DIP2C: variants seen among roughly 807,000 people sequenced by gnomAD.
DIP2C encodes disco-interacting protein 2 homolog C.
A neutral mutation model predicts 192.4 loss-of-function variants in DIP2C; 33 were observed. That is an observed-to-expected ratio of 0.17 (90% CI 0.13 to 0.23). The LOEUF (loss-of-function observed/expected upper bound fraction) is 0.23. Ranked by LOEUF, DIP2C falls within the 10% of genes least tolerant of loss-of-function variation. DIP2C has a pLI of 1.00. For missense variants in DIP2C, 1,537 were observed against 2,110.1 expected, an observed-to-expected ratio of 0.73 and a Z score of 5.32; for synonymous variants, 979 against 864.1, an observed-to-expected ratio of 1.13 and a Z score of -2.33.
At chr10:573,657 G>A (rs912155193) in intron 1 of DIP2C, among the ~76,000 whole-genome samples, 14 of 152,050 alleles carry the variant, frequency 9.2e-5, no homozygotes, top group Admixed American at 3.3e-4. Context: ...CAATCCGCCC[G>A]CCTCGGCCTC....
At chr10:573,543 G>A (rs558705259) in intron 1 of DIP2C, among the ~76,000 whole-genome samples, 2 of 152,004 alleles carry the variant, frequency 1.3e-5, no homozygotes, top group African/African-American at 2.4e-5. Flanking sequence ...AGAGTAGCTG[G>A]GACTACAGGT....
intron 1 of DIP2C, among the ~76,000 whole-genome samples, chr10:676,565 C>T (rs146885413): frequency 4.3e-4 from 64 of 150,446 alleles, no homozygotes; most frequent in African/African-American, 1.2e-3. Context: ...AGTAAACTTA[C>T]AGAATACAAA....
At chr10:437,397 G>A (rs1967352273) in intron 4 of DIP2C, among the ~76,000 whole-genome samples, 3 of 150,218 alleles carry the variant, frequency 2.0e-5, no homozygotes, top group South Asian at 4.2e-4. Flanking sequence ...ATGTGGTAGG[G>A]TGATATGCTC....
At chr10:446,742 G>C (rs1339983603) in intron 3 of DIP2C, among the ~76,000 whole-genome samples, 1 of 152,240 alleles carries the variant, frequency 6.6e-6, no homozygotes, top group Admixed American at 6.5e-5. Context: ...AACAGAGAAA[G>C]ATCCCTTCTG....
intron 1 of DIP2C, among the ~76,000 whole-genome samples, chr10:674,787 T>TAGAGAGAGAGAG (rs1222152605): frequency 7.4e-5 from 6 of 81,518 alleles, no homozygotes; most frequent in African/African-American, 3.5e-4. Flanking sequence ...TATATATATA[T>TAGAGAGAGAGAG]ATAGAGAGAG....
At chr10:479,233 T>C (rs977775440) in intron 2 of DIP2C, among the ~76,000 whole-genome samples, 6 of 151,990 alleles carry the variant, frequency 3.9e-5, no homozygotes, top group African/African-American at 1.5e-4. Context: ...AATTTAATAA[T>C]TTTCCTTGTA....
At chr10:298,989 G>A (rs1030031675) in intron 32 of DIP2C, among the ~76,000 whole-genome samples, 2 of 152,222 alleles carry the variant, frequency 1.3e-5, no homozygotes, top group African/African-American at 4.8e-5. Context: ...ATGTTTATGA[G>A]CATGTGTAAA....
intron 17 of DIP2C, among the ~76,000 whole-genome samples, chr10:371,686 C>T (rs533980372): frequency 8.1e-4 from 123 of 152,128 alleles, no homozygotes; most frequent in African/African-American, 2.8e-3. Flanking sequence ...GAGCAGCACC[C>T]GAGGGAGGCT....
At chr10:385,138 C>A (rs189484343) in intron 14 of DIP2C, among the ~76,000 whole-genome samples, 1 of 151,090 alleles carries the variant, frequency 6.6e-6, no homozygotes, top group Non-Finnish European at 1.5e-5. Flanking sequence ...ACCGTGGACG[C>A]CAGGCTGCAC....
At chr10:486,167 A>C (rs1843999027) in intron 2 of DIP2C, among the ~76,000 whole-genome samples, 1 of 152,268 alleles carries the variant, frequency 6.6e-6, no homozygotes, top group South Asian at 2.1e-4. Flanking sequence ...TGTTGAAATC[A>C]CTAATGCACT....
chr10:318,740 A>C (rs137990363), intron 31 of DIP2C, among the ~76,000 whole-genome samples: 149 of 152,302 alleles, frequency 9.8e-4, no homozygotes, highest in African/African-American at 3.3e-3. Context: ...ACGGTGGCTC[A>C]TTCCCTGAGG....
chr10:299,926 A>G (rs1276425775), intron 32 of DIP2C, among the ~76,000 whole-genome samples: 3 of 152,242 alleles, frequency 2.0e-5, no homozygotes, highest in Non-Finnish European at 4.4e-5. Flanking sequence ...CGACAAGACC[A>G]TCACTAGGAA....
rs557364931 is a variant in DIP2C, at chr10:304,046, C to G, written c.3986+5985G>C. ...CTCCTGAAGGACCTGCTGAGGCTGT[C>G]TTACAGTTAACTTTTTTATTGTTAA... is the stretch of plus-strand genomic sequence containing the variant. On this transcript the variant is annotated intron_variant, in intron 32 of 36. Transcript: ENST00000280886. Among the ~76,000 whole-genome samples, 6 of 152,232 alleles carry G rather than the reference C, an allele frequency of 3.9e-5. No homozygotes were observed. The East Asian group carries it at 7.7e-4, about 20-fold the overall frequency.
intron 1 of DIP2C, among the ~76,000 whole-genome samples, chr10:649,093 C>T (rs1302639784): frequency 6.7e-6 from 1 of 149,480 alleles, no homozygotes; most frequent in Non-Finnish European, 1.5e-5. Context: ...ACTGAGTCCA[C>T]GTCCACATTG....
intron 1 of DIP2C, among the ~76,000 whole-genome samples, chr10:580,079 T>C (rs2131581417): frequency 6.6e-6 from 1 of 152,256 alleles, no homozygotes; most frequent in Middle Eastern, 3.4e-3. Context: ...TACATGCATA[T>C]AGCATACACA....
At chr10:472,622 G>A in intron 2 of DIP2C, 73 bp from the exon 3 acceptor site, 1 of 1,314,360 alleles carries the variant, frequency 7.6e-7, no homozygotes. Flanking sequence ...AACAAATCAT[G>A]CCCTCCATCC....
intron 36 of DIP2C, among the ~76,000 whole-genome samples, chr10:278,211 C>G (rs1341505058): frequency 4.0e-5 from 6 of 151,100 alleles, no homozygotes; most frequent in African/African-American, 1.5e-4. Flanking sequence ...CTACTCCTCT[C>G]TGTCTGTGCA....
At position 568,765 on chromosome 10, in the gene DIP2C, C is replaced by CAAAAAAAAAA; in HGVS notation, c.86-82245_86-82236dup. ...TGGGCGACAGAGGGAAACTCCGTCT[C>CAAAAAAAAAA]AAAAAAAAAAAAAAAAAAAAAAAAA... On this transcript the variant is annotated intron_variant, in intron 1 of 36. Coordinates refer to ENST00000280886, the MANE Select transcript of DIP2C (RefSeq NM_014974.3). Among the ~76,000 whole-genome samples, 62 of 37,872 alleles carry CAAAAAAAAAA rather than the reference C, an allele frequency of 1.6e-3. 16 individuals are homozygous for CAAAAAAAAAA. Among genetic ancestry groups the CAAAAAAAAAA allele is most frequent in the Non-Finnish European group, 2.3e-3 (49 of 21,492 alleles). 24.8% of individuals were successfully genotyped at this position (37,872 alleles called of 152,430 possible).
chr10:462,814 C>T (rs1969902431), intron 3 of DIP2C, among the ~76,000 whole-genome samples: 1 of 152,028 alleles, frequency 6.6e-6, no homozygotes, highest in Non-Finnish European at 1.5e-5. Flanking sequence ...AAAGCCGATC[C>T]ACCATGATCA....
Sources: gnomAD v4.1 joint callset for allele counts (sites outside exome capture counted in the v4.1 genomes callset) on GRCh38, gnomAD v4.1.1 for gene constraint, MANE v1.5 for transcripts, NCBI Gene and HGNC (gene_info 2026-07-23, HGNC 2026-07-21) for gene names.